The following TMPRSS15 variants were observed in gnomAD, a reference collection of about 807,000 sequenced individuals.
TMPRSS15 encodes transmembrane serine protease 15, also known as enteropeptidase.
Under a neutral mutation model 125.3 loss-of-function variants are expected in TMPRSS15, and 128 were observed. The observed-to-expected ratio is 1.02, with a 90% CI of 0.89 to 1.18. TMPRSS15 has a LOEUF of 1.18. Among genes scored for constraint, TMPRSS15 ranks in the 50% most tolerant of loss-of-function variants. TMPRSS15 has a pLI of 0.00. For synonymous variants in TMPRSS15, 446 were observed against 423.2 expected (o/e 1.05, Z -0.66); for missense variants, 1,283 against 1,212.7 (o/e 1.06, Z -0.86).
intron 1 of TMPRSS15, among the ~76,000 whole-genome samples, chr21:18,475,385 C>T (rs549293889): frequency 1.8e-4 from 27 of 152,178 alleles, no homozygotes; most frequent in African/African-American, 5.1e-4. Flanking sequence ...AGGCCACACA[C>T]GTTAGAGACC....
chr21:18,330,483 C>T (rs760335615), intron 14 of TMPRSS15, among the ~76,000 whole-genome samples: 1 of 152,076 alleles, frequency 6.6e-6, no homozygotes, highest in Non-Finnish European at 1.5e-5. Context: ...CTTGGAGATT[C>T]AAGAAACAGT....
chr21:18,411,413 C>A lies in TMPRSS15; in HGVS notation c.11-13084G>T, dbSNP rs116105671. The stretch of plus-strand genomic sequence containing the variant: ...GATCTTAAAATCACTTTCCTTTCTA[C>A]AATTTTATGACTTCATGATTTTTAT... On this transcript the variant is annotated intron_variant, in intron 1 of 7. Transcript: ENST00000422787. 6.7e-3 allele frequency among the ~76,000 whole-genome samples: 1,012 copies of A among 152,068 alleles called. 8 individuals carry two copies. The highest frequency in any genetic ancestry group is 0.019 in the African/African-American group (784 of 41,494).
chr21:18,404,540 A>G (rs1440998954), upstream of TMPRSS15, among the ~76,000 whole-genome samples: 1 of 152,198 alleles, frequency 6.6e-6, no homozygotes, highest in Non-Finnish European at 1.5e-5. Context: ...TTTTCTGATA[A>G]TTAAATTACG....
intron 16 of TMPRSS15, among the ~76,000 whole-genome samples, chr21:18,319,877 T>A (rs992836241): frequency 2.0e-5 from 3 of 151,766 alleles, no homozygotes; most frequent in Non-Finnish European, 4.4e-5. Flanking sequence ...TACTCTACTT[T>A]AAGCTTTGAA....
At chr21:18,411,962 G>A (rs975996432) in intron 1 of TMPRSS15, among the ~76,000 whole-genome samples, 2 of 152,074 alleles carry the variant, frequency 1.3e-5, no homozygotes, top group Admixed American at 6.6e-5. Flanking sequence ...CTTTTTCCTC[G>A]TAGGGGTTAC....
chr21:18,357,579 T>C (rs2075638445), intron 8 of TMPRSS15, among the ~76,000 whole-genome samples: 1 of 151,824 alleles, frequency 6.6e-6, no homozygotes, highest in Admixed American at 6.6e-5. Flanking sequence ...TATTTTGAAT[T>C]GGAATTTAAT....
intron 1 of TMPRSS15, among the ~76,000 whole-genome samples, chr21:18,411,244 T>C (rs1158919747): frequency 6.6e-6 from 1 of 152,144 alleles, no homozygotes; most frequent in African/African-American, 2.4e-5. Flanking sequence ...AAGGATGGTG[T>C]GTTGTGAAAA....
At chr21:18,290,845 A>T (rs907681665) in intron 21 of TMPRSS15, among the ~76,000 whole-genome samples, 1 of 149,330 alleles carries the variant, frequency 6.7e-6, no homozygotes, top group Non-Finnish European at 1.5e-5. Flanking sequence ...CAGAAAAAAA[A>T]GTCTCCTGAC....
rs1445255774 is a variant in TMPRSS15 at position 18,398,228 on chromosome 21, T to G, written c.247A>C (p.Lys83Gln). Residue 83 changes from lysine (K) to glutamine (Q), a missense_variant, in exon 2 of 25, where the codon AAA becomes CAA. By Grantham distance (53) the Lys-to-Gln change is moderately conservative (BLOSUM62 1). Transcript: ENST00000284885. Reference protein sequence around the residue: ...NLQDKLSVDFKVLAFDLQQMI... With the variant: ...NLQDKLSVDFQVLAFDLQQMI... The stretch of plus-strand genomic sequence containing the variant: ...TGCTGAAGGTCAAAAGCAAGAACTT[T>G]GAAATCCACTGAGAGTTTGTCTTGC... 1 of 1,613,910 alleles carries G rather than the reference T, an allele frequency of 6.2e-7. No individual in the cohort carries two copies. The highest frequency in any genetic ancestry group is 8.5e-7 in the Non-Finnish European group (1 of 1,179,814).
intron 1 of TMPRSS15, among the ~76,000 whole-genome samples, chr21:18,476,618 C>T (rs1397339075): frequency 6.6e-6 from 1 of 152,146 alleles, no homozygotes; most frequent in Admixed American, 6.6e-5. Flanking sequence ...TATATCCATA[C>T]ATGTCATATA....
At chr21:18,453,152 G>T (rs187924725) in intron 1 of TMPRSS15, among the ~76,000 whole-genome samples, 5 of 152,224 alleles carry the variant, frequency 3.3e-5, no homozygotes, top group East Asian at 1.9e-4. Context: ...CCCTTTAAAA[G>T]ATTTTTTTGT....
intron 1 of TMPRSS15, 80 bp downstream of exon 1, chr21:18,403,398 A>G (rs2076114757): frequency 6.3e-7 from 1 of 1,588,274 alleles, no homozygotes; most frequent in Non-Finnish European, 8.6e-7. Context: ...AATGAATAAA[A>G]TAGACTTACA....
intron 1 of TMPRSS15, among the ~76,000 whole-genome samples, chr21:18,457,791 A>G (rs1236401751): frequency 6.6e-6 from 1 of 152,192 alleles, no homozygotes; most frequent in Non-Finnish European, 1.5e-5. Context: ...TCTAAAAACC[A>G]CTAAAAATGG....
chr21:18,388,211 C>G (rs1482247877), intron 3 of TMPRSS15, among the ~76,000 whole-genome samples: 5 of 152,118 alleles, frequency 3.3e-5, no homozygotes, highest in Non-Finnish European at 5.9e-5. Flanking sequence ...TATCTCTACA[C>G]TGATGAAGTA....
Position 18,270,105 on chromosome 21 carries a change from A to G in TMPRSS15, c.2924T>C (p.Leu975Ser). The change falls in exon 25 of 25, where the codon TTA becomes TCA. Residue 975 changes from leucine (L) to serine (S), a missense_variant. Physicochemically the swap from Leu to Ser is moderately radical, Grantham distance 145. Coordinates refer to ENST00000284885, the MANE Select transcript of TMPRSS15 (RefSeq NM_002772.3). Reference sequence around the variant, plus strand: ...CCACCTGTTGTTTTCTTGGCACATTAATGGTCCTCCTGAATCCCCCTAAAG... The same window carrying G: ...CCACCTGTTGTTTTCTTGGCACATTGATGGTCCTCCTGAATCCCCCTAAAG... Reference protein sequence around the residue: ...DSCQGDSGGPLMCQENNRWFL... With the variant: ...DSCQGDSGGPSMCQENNRWFL... 6.2e-7 allele frequency: 1 copy of G among 1,614,030 alleles called. No individual in the cohort carries two copies. The highest frequency in any genetic ancestry group is 8.5e-7 in the Non-Finnish European group (1 of 1,179,904).
chr21:18,364,236 G>T (rs556878068), intron 7 of TMPRSS15, among the ~76,000 whole-genome samples: 1 of 151,916 alleles, frequency 6.6e-6, no homozygotes, highest in African/African-American at 2.4e-5. Context: ...TATACTATAG[G>T]TCAGACTGGT....
At chr21:18,278,813 TA>T in intron 23 of TMPRSS15, 150 bp downstream of exon 23, 1 of 574,180 alleles carries the variant, frequency 1.7e-6, no homozygotes, top group Non-Finnish European at 3.1e-6. Context: ...TATATATATG[TA>T]CATGCTTGAC....
rs189310460 is a variant in TMPRSS15 at position 18,448,021 on chromosome 21, T to C, written c.10+37778A>G. Among the ~76,000 whole-genome samples, 632 of 152,274 alleles carry C rather than the reference T, an allele frequency of 4.2e-3. 4 individuals carry two copies. Among genetic ancestry groups the C allele is most frequent in the Non-Finnish European group, 7.4e-3 (502 of 68,016 alleles). On this transcript the variant is annotated intron_variant, in intron 1 of 7. Transcript: ENST00000422787. ...TTCTTATACACTCTTGGTGAGAATG[T>C]AAATTAGTACAGCCATTATAAACAG...
At chr21:18,336,281 T>A (rs942468435) in intron 13 of TMPRSS15, among the ~76,000 whole-genome samples, 1 of 152,200 alleles carries the variant, frequency 6.6e-6, no homozygotes, top group African/African-American at 2.4e-5. Context: ...ATTGATACTT[T>A]ATGTGATAGA....
Sources: allele counts gnomAD v4.1 joint callset (sites outside exome capture counted in the v4.1 genomes callset), GRCh38; gene constraint gnomAD v4.1.1; transcripts MANE v1.5; gene names NCBI Gene and HGNC (gene_info 2026-07-23, HGNC 2026-07-21).